The following LCLAT1 variants were observed in gnomAD, a reference collection of about 807,000 sequenced individuals.
LCLAT1 encodes the protein 1-AGP acyltransferase 8.
In LCLAT1, 11 loss-of-function variants were observed where a neutral mutation model predicts 30.7. That is an observed-to-expected ratio of 0.36 (90% CI 0.23 to 0.59). The LOEUF (loss-of-function observed/expected upper bound fraction) is 0.59. Among genes scored for constraint, LCLAT1 ranks in the 20% least tolerant of loss-of-function variants. LCLAT1 has a pLI of 0.77. For missense variants in LCLAT1, 402 were observed against 458.6 expected (o/e 0.88, Z 1.13); for synonymous variants, 155 against 151.3 (o/e 1.02, Z -0.18).
intron 1 of LCLAT1, among the ~76,000 whole-genome samples, chr2:30,450,387 G>C (rs1197221225): frequency 6.6e-6 from 1 of 151,574 alleles, no homozygotes; most frequent in Non-Finnish European, 1.5e-5. Context: ...AAAGGTTAGA[G>C]CCAGGTTGTG....
intron 1 of LCLAT1, among the ~76,000 whole-genome samples, chr2:30,451,511 G>C (rs1681547135): frequency 6.6e-6 from 1 of 152,238 alleles, no homozygotes; most frequent in African/African-American, 2.4e-5. Flanking sequence ...TACATCAGCA[G>C]TAGAATGGAT....
intron 1 of LCLAT1, among the ~76,000 whole-genome samples, chr2:30,462,315 G>T (rs1250904863): frequency 6.6e-6 from 1 of 152,160 alleles, no homozygotes; most frequent in Non-Finnish European, 1.5e-5. Context: ...TGTATAATTG[G>T]AAAGTTAGAG....
intron 4 of LCLAT1, among the ~76,000 whole-genome samples, chr2:30,565,950 A>C (rs1327943501): frequency 6.6e-6 from 1 of 152,154 alleles, no homozygotes; most frequent in Non-Finnish European, 1.5e-5. Flanking sequence ...CAGCAACTGC[A>C]CCGATCCTGA....
rs1358678882 is a variant in LCLAT1, at chr2:30,518,987, AC to A, written c.-4-6597del. ...TTCAGAAACCTTGTGCCATTAAGCC[AC>A]CCAAACACTCTTAAAGTTCCTCGCC... On this transcript the variant is annotated intron_variant, in intron 1 of 5. Transcript: ENST00000379509. Among the ~76,000 whole-genome samples, 5 of 152,338 alleles carry A rather than the reference AC, an allele frequency of 3.3e-5. No individual in the cohort carries two copies. In the East Asian group the frequency reaches 7.7e-4, roughly 24 times the overall value.
At chr2:30,449,008 A>T (rs1343950066) in intron 1 of LCLAT1, among the ~76,000 whole-genome samples, 7 of 152,330 alleles carry the variant, frequency 4.6e-5, no homozygotes, top group African/African-American at 1.7e-4. Context: ...CAGGCACTGA[A>T]TCCGGGGACT....
chr2:30,516,958 G>T (rs1340930515), intron 1 of LCLAT1, among the ~76,000 whole-genome samples: 4 of 152,140 alleles, frequency 2.6e-5, no homozygotes, highest in African/African-American at 4.8e-5. Flanking sequence ...CAATTTTCCT[G>T]GGGAAGCTGA....
intron 1 of LCLAT1, among the ~76,000 whole-genome samples, chr2:30,492,961 T>C (rs184969400): frequency 3.7e-4 from 56 of 152,314 alleles, no homozygotes; most frequent in African/African-American, 1.2e-3. Context: ...TTAAAAAAGC[T>C]CTGGCTTATT....
At chr2:30,576,714 C>T (rs905415703) in intron 5 of LCLAT1, among the ~76,000 whole-genome samples, 1 of 151,848 alleles carries the variant, frequency 6.6e-6, no homozygotes, top group African/African-American at 2.4e-5. Flanking sequence ...AAAGGTTTAC[C>T]TTGTTTCTTC....
At chr2:30,490,285 C>T (rs1249291285) in intron 1 of LCLAT1, among the ~76,000 whole-genome samples, 1 of 150,372 alleles carries the variant, frequency 6.7e-6, no homozygotes, top group Non-Finnish European at 1.5e-5. Flanking sequence ...TCACTGCAAG[C>T]TCCGCCTCCC....
intron 3 of LCLAT1, among the ~76,000 whole-genome samples, chr2:30,559,163 T>C (rs1665078941): frequency 6.6e-6 from 1 of 152,036 alleles, no homozygotes; most frequent in Non-Finnish European, 1.5e-5. Flanking sequence ...GAAGTTGGAG[T>C]ATTGGTTTTC....
intron 5 of LCLAT1, among the ~76,000 whole-genome samples, chr2:30,585,973 CGGGCGT>C (rs1261164723): frequency 3.4e-4 from 52 of 152,122 alleles, no homozygotes; most frequent in Non-Finnish European, 7.1e-4. Context: ...TAGGAATGGC[CGGGCGT>C]GGTGGCTCAC....
At chr2:30,558,506 G>A (rs1665038804) in intron 3 of LCLAT1, among the ~76,000 whole-genome samples, 1 of 151,440 alleles carries the variant, frequency 6.6e-6, no homozygotes, top group African/African-American at 2.4e-5. Context: ...GCTGAGGCTG[G>A]AGAATTGCTT....
intron 5 of LCLAT1, among the ~76,000 whole-genome samples, chr2:30,570,963 A>T (rs1431785165): frequency 1.3e-5 from 2 of 152,206 alleles, no homozygotes; most frequent in Non-Finnish European, 2.9e-5. Context: ...CATCTAGTCC[A>T]GAGTTCCTTT....
chr2:30,557,387 A>C lies in LCLAT1; in HGVS notation c.365-4759A>C, dbSNP rs116592967. 9.6e-3 allele frequency among the ~76,000 whole-genome samples: 1,455 copies of C among 150,968 alleles called. 23 individuals carry two copies. The highest frequency in any genetic ancestry group is 0.033 in the African/African-American group (1,355 of 40,984). ...AAAAGCACCAATCATGTATGTAACA[A>C]ATTTTCAAGGAGTGGAAAAATTCAC... On this transcript the variant is annotated intron_variant, in intron 3 of 5. Transcript: ENST00000379509.
chr2:30,606,151 T>C (rs1312820378), intron 5 of LCLAT1: 19 of 618,350 alleles, frequency 3.1e-5, no homozygotes, highest in South Asian at 2.9e-4. Context: ...TATCGTGAAA[T>C]TGGCCATACT....
chr2:30,632,130 G>T (rs1668796698), intron 5 of LCLAT1, among the ~76,000 whole-genome samples: 1 of 152,190 alleles, frequency 6.6e-6, no homozygotes, highest in Admixed American at 6.5e-5. Context: ...CTAAAAATAT[G>T]TGTAAAGAAT....
At chr2:30,549,183 G>A (rs988492065) in intron 3 of LCLAT1, among the ~76,000 whole-genome samples, 11 of 152,164 alleles carry the variant, frequency 7.2e-5, no homozygotes, top group Admixed American at 5.9e-4. Context: ...AGTTTCTTTG[G>A]CCAGGAGAAA....
At chr2:30,587,446 C>G (rs1666494614) in intron 5 of LCLAT1, among the ~76,000 whole-genome samples, 1 of 152,106 alleles carries the variant, frequency 6.6e-6, no homozygotes, top group Non-Finnish European at 1.5e-5. Flanking sequence ...TAGAAAAGCA[C>G]TCTAGGGAAA....
At chr2:30,552,480 C>A in intron 3 of LCLAT1, 1 of 428,926 alleles carries the variant, frequency 2.3e-6, no homozygotes, top group Non-Finnish European at 4.7e-6. Flanking sequence ...TGATTTCTAT[C>A]TTGTATTTTC....
Sources: allele counts gnomAD v4.1 joint callset (sites outside exome capture counted in the v4.1 genomes callset), GRCh38; gene constraint gnomAD v4.1.1; transcripts MANE v1.5; gene names NCBI Gene and HGNC (gene_info 2026-07-23, HGNC 2026-07-21).